Variants in ZNF536 observed in about 807,000 individuals in gnomAD.
The protein encoded by ZNF536 is zinc finger protein 536.
In ZNF536, 13 loss-of-function variants were observed where a neutral mutation model predicts 84.5. The ratio of observed to expected loss-of-function variants is 0.15; its 90% CI spans 0.10 to 0.24. The LOEUF is 0.24. Ranked by LOEUF, ZNF536 falls within the 10% of genes least tolerant of loss-of-function variation. ZNF536 has a pLI of 1.00. For missense variants in ZNF536, 1,536 were observed against 1,747.5 expected, an observed-to-expected ratio of 0.88 and a Z score of 2.16; for synonymous variants, 811 against 742.5, an observed-to-expected ratio of 1.09 and a Z score of -1.50.
intron 1 of ZNF536, among the ~76,000 whole-genome samples, chr19:30,268,434 C>T (rs2025641098): frequency 6.6e-6 from 1 of 152,036 alleles, no homozygotes; most frequent in African/African-American, 2.4e-5. Flanking sequence ...GTTTTGACAA[C>T]TCCCCATTCT....
At chr19:30,422,803 A>T (rs1008852786) in intron 1 of ZNF536, among the ~76,000 whole-genome samples, 29 of 53,852 alleles carry the variant, frequency 5.4e-4, no homozygotes, top group African/African-American at 1.7e-3. Flanking sequence ...TCCACCACCC[A>T]CCCATCCCTC....
At chr19:30,378,934 C>T (rs892300667) in intron 1 of ZNF536, among the ~76,000 whole-genome samples, 3 of 152,138 alleles carry the variant, frequency 2.0e-5, no homozygotes, top group African/African-American at 7.2e-5. Context: ...TCTTGTCTCT[C>T]CCAAAGGATG....
At chr19:30,377,077 T>C (rs2048846772) in intron 1 of ZNF536, among the ~76,000 whole-genome samples, 1 of 152,134 alleles carries the variant, frequency 6.6e-6, no homozygotes, top group Non-Finnish European at 1.5e-5. Flanking sequence ...AGCTTCTCTG[T>C]CATCGAGAGA....
intron 1 of ZNF536, among the ~76,000 whole-genome samples, chr19:30,649,311 G>A (rs944621743): frequency 4.6e-5 from 7 of 152,270 alleles, no homozygotes; most frequent in South Asian, 2.1e-4. Flanking sequence ...TAGAAACAGC[G>A]TTTGGATTAT....
At chr19:30,286,156 C>T (rs1009211386) in intron 2 of ZNF536, among the ~76,000 whole-genome samples, 1 of 152,180 alleles carries the variant, frequency 6.6e-6, no homozygotes, top group African/African-American at 2.4e-5. Flanking sequence ...CCATTATAAT[C>T]ACGCTCATGA....
chr19:30,501,944 G>C (rs2054967659), intron 2 of ZNF536, among the ~76,000 whole-genome samples: 2 of 152,178 alleles, frequency 1.3e-5, no homozygotes, highest in Admixed American at 1.3e-4. Flanking sequence ...TCAAGTGCTG[G>C]GATCCCCAGG....
intron 2 of ZNF536, among the ~76,000 whole-genome samples, chr19:30,326,012 G>A (rs1044764614): frequency 2.0e-5 from 3 of 152,234 alleles, no homozygotes; most frequent in Non-Finnish European, 4.4e-5. Context: ...TGAACTTGGG[G>A]TCATGCATGA....
chr19:30,304,233 G>T (rs1053511500), intron 2 of ZNF536, among the ~76,000 whole-genome samples: 1 of 152,218 alleles, frequency 6.6e-6, no homozygotes, highest in South Asian at 2.1e-4. Flanking sequence ...TGCACAAACC[G>T]CCCGCATTTG....
intron 1 of ZNF536, among the ~76,000 whole-genome samples, chr19:30,375,278 C>G (rs867664340): frequency 6.7e-6 from 1 of 150,354 alleles, no homozygotes; most frequent in Non-Finnish European, 1.5e-5. Context: ...TGCCCGCGCC[C>G]GGGCCCCGCG....
chr19:30,386,241 C>T (rs545292805), intron 1 of ZNF536, among the ~76,000 whole-genome samples: 2 of 152,308 alleles, frequency 1.3e-5, no homozygotes, highest in South Asian at 2.1e-4. Flanking sequence ...CACCTCACTA[C>T]AGAAGCCAAT....
chr19:30,358,077 G>A (rs913272216), intron 3 of ZNF536, among the ~76,000 whole-genome samples: 3 of 152,064 alleles, frequency 2.0e-5, no homozygotes, highest in East Asian at 1.9e-4. Context: ...GAGTCTTGGT[G>A]CTTATAGTTT....
intron 2 of ZNF536, among the ~76,000 whole-genome samples, chr19:30,513,770 G>A (rs1251841018): frequency 6.6e-6 from 1 of 152,140 alleles, no homozygotes. Context: ...AACTTGTTTT[G>A]GAGGTGGAGC....
chr19:30,415,626 T>G (rs1057002621), intron 1 of ZNF536, among the ~76,000 whole-genome samples: 5 of 152,020 alleles, frequency 3.3e-5, no homozygotes, highest in Admixed American at 6.6e-5. Context: ...TTTTTATTTG[T>G]GGGGGACAGA....
intron 1 of ZNF536, among the ~76,000 whole-genome samples, chr19:30,386,754 G>A (rs1412350015): frequency 1.3e-5 from 2 of 152,224 alleles, no homozygotes; most frequent in Non-Finnish European, 2.9e-5. Flanking sequence ...CTAGGGCAGG[G>A]CCTGGCGCAC....
At chr19:30,686,969 C>T (rs1335948104) in intron 1 of ZNF536, among the ~76,000 whole-genome samples, 3 of 152,308 alleles carry the variant, frequency 2.0e-5, no homozygotes, top group East Asian at 1.9e-4. Context: ...GTAGCCTATC[C>T]GATCCCTCCC....
chr19:30,488,928 C>T (rs1045820373), intron 2 of ZNF536, among the ~76,000 whole-genome samples: 1 of 152,186 alleles, frequency 6.6e-6, no homozygotes, highest in Non-Finnish European at 1.5e-5. Flanking sequence ...TGCATGACTT[C>T]CAGTTCCCGA....
intron 1 of ZNF536, among the ~76,000 whole-genome samples, chr19:30,236,647 T>G (rs1341889457): frequency 1.3e-5 from 2 of 152,172 alleles, no homozygotes; most frequent in Admixed American, 6.5e-5. Flanking sequence ...GGATTAAGGC[T>G]GCAAGGTAGC....
chr19:30,552,446 A>C (rs1432933836), intron 4 of ZNF536, among the ~76,000 whole-genome samples: 1 of 152,184 alleles, frequency 6.6e-6, no homozygotes, highest in African/African-American at 2.4e-5. Flanking sequence ...AAGGGGTGTA[A>C]AAGTGTTTGA....
chr19:30,252,138 A>G (rs1223303948), intron 1 of ZNF536, among the ~76,000 whole-genome samples: 1 of 152,236 alleles, frequency 6.6e-6, no homozygotes, highest in African/African-American at 2.4e-5. Context: ...GCCTAAGGAC[A>G]TGAATAGATG....
Sources: gnomAD v4.1 joint callset for allele counts (sites outside exome capture counted in the v4.1 genomes callset) on GRCh38, gnomAD v4.1.1 for gene constraint, MANE v1.5 for transcripts, NCBI Gene and HGNC (gene_info 2026-07-23, HGNC 2026-07-21) for gene names.